ADGRL3: variants seen among roughly 807,000 people sequenced by gnomAD.
The protein encoded by ADGRL3 is adhesion G protein-coupled receptor L3.
Under a neutral mutation model 153.5 loss-of-function variants are expected in ADGRL3, and 62 were observed. The observed-to-expected ratio is 0.40, with a 90% CI of 0.33 to 0.50. ADGRL3 has a LOEUF of 0.50. ADGRL3 is among the 20% of genes least tolerant of loss of function. ADGRL3 has a pLI of 0.47. For missense variants in ADGRL3, 1,641 were observed against 1,859.4 expected, an observed-to-expected ratio of 0.88 and a Z score of 2.16; for synonymous variants, 710 against 672.5, an observed-to-expected ratio of 1.06 and a Z score of -0.86.
intron 6 of ADGRL3, among the ~76,000 whole-genome samples, chr4:61,720,845 G>C (rs1330161580): frequency 6.6e-6 from 1 of 152,110 alleles, no homozygotes; most frequent in Non-Finnish European, 1.5e-5. Flanking sequence ...TAATCCTTAT[G>C]TTCTGTTTTC....
intron 9 of ADGRL3, among the ~76,000 whole-genome samples, chr4:61,871,279 GAA>G (rs538933011): frequency 1.6e-5 from 2 of 124,980 alleles, no homozygotes; most frequent in Non-Finnish European, 1.7e-5. Flanking sequence ...CTCCATCTCA[GAA>G]AAAAAAAAAA....
At chr4:61,248,160 T>G (rs1052256617) in intron 1 of ADGRL3, among the ~76,000 whole-genome samples, 1 of 152,140 alleles carries the variant, frequency 6.6e-6, no homozygotes, top group South Asian at 2.1e-4. Flanking sequence ...CTTTGCTTCT[T>G]TAGCAGTTAG....
chr4:61,249,961 G>A (rs1391826083), intron 1 of ADGRL3, among the ~76,000 whole-genome samples: 1 of 152,060 alleles, frequency 6.6e-6, no homozygotes, highest in Non-Finnish European at 1.5e-5. Context: ...GAAGTCTCAA[G>A]GCTTTATGGA....
chr4:61,815,647 C>T (rs187011627), intron 9 of ADGRL3, among the ~76,000 whole-genome samples: 3 of 152,304 alleles, frequency 2.0e-5, no homozygotes, highest in Admixed American at 1.3e-4. Context: ...TGCCAAAATT[C>T]ATATTGAAAC....
At chr4:61,441,574 C>T (rs2097529070) in intron 2 of ADGRL3, among the ~76,000 whole-genome samples, 3 of 150,988 alleles carry the variant, frequency 2.0e-5, no homozygotes, top group African/African-American at 7.3e-5. Context: ...GGTTGGAGTG[C>T]AGTGGTGCGA....
chr4:61,989,584 A>G (rs1384267682), intron 19 of ADGRL3, among the ~76,000 whole-genome samples: 3 of 152,088 alleles, frequency 2.0e-5, no homozygotes, highest in East Asian at 3.8e-4. Context: ...CCATTTTATC[A>G]TCCAGAAAGC....
chr4:61,392,175 C>T (rs1475313302), intron 2 of ADGRL3, among the ~76,000 whole-genome samples: 1 of 151,452 alleles, frequency 6.6e-6, no homozygotes, highest in East Asian at 2.0e-4. Flanking sequence ...GGCCAAAATG[C>T]TACTTTTATG....
At chr4:62,052,615 A>C (rs1187898663) in intron 25 of ADGRL3, among the ~76,000 whole-genome samples, 7 of 151,432 alleles carry the variant, frequency 4.6e-5, no homozygotes. Flanking sequence ...TTTCATTGTC[A>C]TTCTTCTTTC....
intron 1 of ADGRL3, among the ~76,000 whole-genome samples, chr4:61,370,590 A>C (rs907030308): frequency 5.3e-5 from 8 of 152,158 alleles, no homozygotes; most frequent in African/African-American, 1.4e-4. Context: ...CTGTGGTCTG[A>C]GAGATAGTTT....
intron 1 of ADGRL3, among the ~76,000 whole-genome samples, chr4:61,327,492 C>T (rs1220803998): frequency 2.0e-5 from 3 of 151,736 alleles, no homozygotes; most frequent in East Asian, 1.9e-4. Flanking sequence ...CTAGTTTAGA[C>T]TTGTTGAGTT....
At chr4:62,041,478 A>T (rs1728262647) in intron 24 of ADGRL3, among the ~76,000 whole-genome samples, 1 of 152,106 alleles carries the variant, frequency 6.6e-6, no homozygotes, top group Non-Finnish European at 1.5e-5. Context: ...TATATGAAAT[A>T]TTGAAACATT....
chr4:61,885,875 A>G (rs2098535810), intron 9 of ADGRL3, among the ~76,000 whole-genome samples: 4 of 152,188 alleles, frequency 2.6e-5, no homozygotes, highest in Admixed American at 2.6e-4. Context: ...TAGACAGCAC[A>G]TATGTAAAAC....
At chr4:62,051,155 C>CGTGT (rs71991802) in intron 25 of ADGRL3, among the ~76,000 whole-genome samples, 205 of 68,448 alleles carry the variant, frequency 3.0e-3, no homozygotes, top group African/African-American at 0.011. Flanking sequence ...ACACAAAGAA[C>CGTGT]GTGTGTGTGT....
chr4:61,732,633 CA>C, intron 7 of ADGRL3, 120 bp from the exon 8 acceptor site: 1 of 488,352 alleles, frequency 2.0e-6, no homozygotes, highest in South Asian at 6.5e-5. Flanking sequence ...AAGAATGCAG[CA>C]AAATAAGTGA....
chr4:61,203,288 C>G (rs1281841191), intron 1 of ADGRL3, among the ~76,000 whole-genome samples: 4 of 152,184 alleles, frequency 2.6e-5, no homozygotes, highest in African/African-American at 9.7e-5. Context: ...GAGCCACCTC[C>G]AGGGTGTCTC....
At chr4:61,452,044 T>A (rs2097681162) in intron 2 of ADGRL3, among the ~76,000 whole-genome samples, 2 of 152,196 alleles carry the variant, frequency 1.3e-5, no homozygotes, top group Admixed American at 1.3e-4. Context: ...ATTGTTCAGA[T>A]TACCCTTTTT....
At chr4:61,613,504 G>T (rs1013040638) in intron 5 of ADGRL3, among the ~76,000 whole-genome samples, 1 of 152,296 alleles carries the variant, frequency 6.6e-6, no homozygotes, top group Admixed American at 6.5e-5. Flanking sequence ...ACCACTTTGG[G>T]AGGCTGGGGC....
At chr4:61,995,209 CT>C (rs35822057) in intron 19 of ADGRL3, among the ~76,000 whole-genome samples, 75 of 148,032 alleles carry the variant, frequency 5.1e-4, no homozygotes, top group South Asian at 1.3e-3. Flanking sequence ...CAGCCCCCAA[CT>C]TTTTTTTTTT....
At chr4:61,702,305 G>A (rs2151323205) in intron 6 of ADGRL3, among the ~76,000 whole-genome samples, 1 of 152,194 alleles carries the variant, frequency 6.6e-6, no homozygotes, top group South Asian at 2.1e-4. Flanking sequence ...TCTTTCCAAG[G>A]CACTATGCAT....
Sources: gnomAD v4.1 joint callset for allele counts (sites outside exome capture counted in the v4.1 genomes callset) on GRCh38, gnomAD v4.1.1 for gene constraint, MANE v1.5 for transcripts, NCBI Gene and HGNC (gene_info 2026-07-23, HGNC 2026-07-21) for gene names.